The following CTNNA3 variants were observed in gnomAD, a reference collection of about 807,000 sequenced individuals.
CTNNA3 encodes catenin alpha-3.
Under a neutral mutation model 95.7 loss-of-function variants are expected in CTNNA3, and 76 were observed. The ratio of observed to expected loss-of-function variants is 0.79; its 90% CI spans 0.66 to 0.96. The LOEUF is 0.96. CTNNA3 is among the 40% of genes least tolerant of loss of function. CTNNA3 has a pLI of 0.00. For synonymous variants in CTNNA3, 431 were observed against 374.4 expected (o/e 1.15, Z -1.74); for missense variants, 1,191 against 1,089.8 (o/e 1.09, Z -1.31).
At chr10:66,013,162 A>G (rs559654005) in intron 15 of CTNNA3, among the ~76,000 whole-genome samples, 7 of 152,318 alleles carry the variant, frequency 4.6e-5, no homozygotes, top group African/African-American at 1.7e-4. Flanking sequence ...TGGGTTCCCA[A>G]AGTGCTAGGA....
chr10:66,895,396 G>A (rs1845441088), intron 7 of CTNNA3, among the ~76,000 whole-genome samples: 1 of 152,072 alleles, frequency 6.6e-6, no homozygotes, highest in African/African-American at 2.4e-5. Context: ...CTTTTATGAA[G>A]TAGATCAAAA....
intron 13 of CTNNA3, among the ~76,000 whole-genome samples, chr10:66,135,162 A>C (rs2083289071): frequency 6.6e-6 from 1 of 152,210 alleles, no homozygotes; most frequent in South Asian, 2.1e-4. Flanking sequence ...TAACAGTAAA[A>C]GAATGACACC....
At chr10:66,126,719 A>T (rs553123872) in intron 13 of CTNNA3, among the ~76,000 whole-genome samples, 1 of 152,336 alleles carries the variant, frequency 6.6e-6, no homozygotes, top group African/African-American at 2.4e-5. Context: ...TAATTTGAGC[A>T]GTAAAATAAA....
intron 13 of CTNNA3, among the ~76,000 whole-genome samples, chr10:66,105,342 C>G (rs1157651693): frequency 6.6e-6 from 1 of 152,188 alleles, no homozygotes; most frequent in Non-Finnish European, 1.5e-5. Context: ...TGCAATTTCC[C>G]TCCTTGTTAT....
rs768458509 is a variant in CTNNA3 at position 66,378,004 on chromosome 10, A to C, written c.1732+1148T>G. Among the ~76,000 whole-genome samples the C allele has an allele frequency of 3.7e-4, 56 of 151,974 alleles. No homozygotes were observed. In the Middle Eastern group the frequency reaches 0.014, roughly 37 times the overall value. ...GAAATATTTCAAAGAGATAGTAAGAAAATTACATACCAAGATTCATCAATG... is the reference window on the plus strand; with the variant it reads ...GAAATATTTCAAAGAGATAGTAAGACAATTACATACCAAGATTCATCAATG... On this transcript the variant is annotated intron_variant, in intron 12 of 17. Transcript: ENST00000433211.
intron 8 of CTNNA3, among the ~76,000 whole-genome samples, chr10:66,771,502 C>T (rs4491118): frequency 0.85 from 129,316 of 152,124 alleles, 55,263 homozygotes; most frequent in East Asian, 1. Context: ...GAAAATAATA[C>T]ATGATGGTAA....
intron 7 of CTNNA3, among the ~76,000 whole-genome samples, chr10:66,884,371 C>T (rs893995124): frequency 6.6e-6 from 1 of 151,996 alleles, no homozygotes; most frequent in Non-Finnish European, 1.5e-5. Context: ...CACTTGCTAC[C>T]AATGAAGAGA....
intron 11 of CTNNA3, among the ~76,000 whole-genome samples, chr10:66,430,017 C>G (rs546821809): frequency 7.3e-6 from 1 of 136,308 alleles, no homozygotes; most frequent in African/African-American, 2.9e-5. Flanking sequence ...TCATCTCAGT[C>G]GAAAATCTCC....
At chr10:67,170,417 C>T (rs1184209958) in intron 7 of CTNNA3, among the ~76,000 whole-genome samples, 1 of 152,146 alleles carries the variant, frequency 6.6e-6, no homozygotes, top group Non-Finnish European at 1.5e-5. Context: ...CACATATTCA[C>T]CATGGAATAT....
At chr10:67,226,615 A>C (rs1488563199) in intron 5 of CTNNA3, among the ~76,000 whole-genome samples, 1 of 152,236 alleles carries the variant, frequency 6.6e-6, no homozygotes, top group Non-Finnish European at 1.5e-5. Context: ...TTTTGTATCC[A>C]GTGAAACTAA....
chr10:66,926,548 A>G, intron 7 of CTNNA3: 1 of 1,613,608 alleles, frequency 6.2e-7, no homozygotes, highest in East Asian at 2.2e-5. Flanking sequence ...AAGCCAAAGC[A>G]AAAGACCTAA....
At chr10:67,296,842 G>C (rs1017899989) in intron 5 of CTNNA3, among the ~76,000 whole-genome samples, 1 of 148,000 alleles carries the variant, frequency 6.8e-6, no homozygotes, top group Non-Finnish European at 1.5e-5. Context: ...GCTGAGGCAG[G>C]AGAATCGCTT....
intron 7 of CTNNA3, among the ~76,000 whole-genome samples, chr10:66,979,789 C>G (rs905935593): frequency 6.6e-6 from 1 of 151,950 alleles, no homozygotes; most frequent in Non-Finnish European, 1.5e-5. Flanking sequence ...TCAAAATTTC[C>G]CAAAATTTTA....
chr10:67,117,232 T>A (rs998099644), intron 7 of CTNNA3, among the ~76,000 whole-genome samples: 3 of 151,882 alleles, frequency 2.0e-5, no homozygotes, highest in Admixed American at 6.6e-5. Flanking sequence ...AACCATGTGA[T>A]CTTCAGAGTC....
chr10:65,920,848 A>T (rs531331329), intron 17 of CTNNA3, among the ~76,000 whole-genome samples: 1 of 152,156 alleles, frequency 6.6e-6, no homozygotes, highest in South Asian at 2.1e-4. Context: ...TAATAAAAAT[A>T]AAAATAACTG....
At chr10:66,157,516 TA>T (rs2084601435) in intron 13 of CTNNA3, among the ~76,000 whole-genome samples, 2 of 149,752 alleles carry the variant, frequency 1.3e-5, no homozygotes, top group South Asian at 2.1e-4. Flanking sequence ...GATAGATAGA[TA>T]GATAGATAGA....
rs1389222187 is a variant in CTNNA3, at chr10:67,003,459, G to T, written c.1047+176858C>A. On this transcript the variant is annotated intron_variant, in intron 7 of 17. Transcript: ENST00000433211. ...TATTGCTCAAAAAAATCAGAGTGCGGAGAGGTTCCAAGATCGAATACTTTT... is the reference window on the plus strand; with the variant it reads ...TATTGCTCAAAAAAATCAGAGTGCGTAGAGGTTCCAAGATCGAATACTTTT... Among the ~76,000 whole-genome samples the T allele has an allele frequency of 2.0e-5, 3 of 152,238 alleles. No homozygotes were observed. The East Asian group carries it at 5.8e-4, about 29-fold the overall frequency.
intron 5 of CTNNA3, among the ~76,000 whole-genome samples, chr10:67,364,548 G>C (rs1182570288): frequency 6.6e-6 from 1 of 152,110 alleles, no homozygotes; most frequent in Non-Finnish European, 1.5e-5. Context: ...CAAAACCAAT[G>C]TACAAAAATC....
At chr10:66,163,978 T>C (rs1291045374) in intron 13 of CTNNA3, among the ~76,000 whole-genome samples, 1 of 152,182 alleles carries the variant, frequency 6.6e-6, no homozygotes, top group African/African-American at 2.4e-5. Flanking sequence ...TTGAGTAACA[T>C]TGTAATGAAA....
Sources: allele counts gnomAD v4.1 joint callset (sites outside exome capture counted in the v4.1 genomes callset), GRCh38; gene constraint gnomAD v4.1.1; transcripts MANE v1.5; gene names NCBI Gene and HGNC (gene_info 2026-07-23, HGNC 2026-07-21).